LMBRD1: variants seen among roughly 807,000 people sequenced by gnomAD.
LMBRD1 encodes lysosomal cobalamin transport escort protein LMBD1.
In LMBRD1, 64 loss-of-function variants were observed where a neutral mutation model predicts 74.8. The ratio of observed to expected loss-of-function variants is 0.86; its 90% CI spans 0.70 to 1.05. The LOEUF is 1.05. Among genes scored for constraint, LMBRD1 ranks in the 50% least tolerant of loss-of-function variants. The pLI, the probability that LMBRD1 is intolerant of heterozygous loss-of-function variation, is 0.00. For synonymous variants in LMBRD1, 204 were observed against 216.3 expected, an observed-to-expected ratio of 0.94 and a Z score of 0.50; for missense variants, 652 against 645.9, an observed-to-expected ratio of 1.01 and a Z score of -0.10.
chr6:69,776,173 G>A (rs1013238555), intron 3 of LMBRD1, among the ~76,000 whole-genome samples: 14 of 152,116 alleles, frequency 9.2e-5, no homozygotes, highest in African/African-American at 3.4e-4. Context: ...TTTGGCATTT[G>A]ACAAATGGAC....
intron 8 of LMBRD1, among the ~76,000 whole-genome samples, chr6:69,717,710 T>G (rs1390986009): frequency 6.6e-6 from 1 of 152,192 alleles, no homozygotes; most frequent in African/African-American, 2.4e-5. Flanking sequence ...TTTGTTTGTT[T>G]TTAAACAGGG....
intron 4 of LMBRD1, among the ~76,000 whole-genome samples, chr6:69,751,648 C>G (rs112605801): frequency 6.6e-6 from 1 of 152,172 alleles, no homozygotes; most frequent in African/African-American, 2.4e-5. Context: ...TCAGCCTTAT[C>G]CTGGATTAGT....
intron 3 of LMBRD1, among the ~76,000 whole-genome samples, chr6:69,768,421 C>A (rs1023109617): frequency 9.2e-5 from 14 of 151,520 alleles, no homozygotes; most frequent in African/African-American, 2.9e-4. Context: ...CACAATTTAC[C>A]TTCAATTAAT....
At chr6:69,753,732 A>C (rs925691920) in intron 3 of LMBRD1, among the ~76,000 whole-genome samples, 2 of 152,256 alleles carry the variant, frequency 1.3e-5, no homozygotes, top group East Asian at 1.9e-4. Flanking sequence ...GGTATACAGG[A>C]GATCGAGACC....
At chr6:69,745,596 A>G (rs137951060) in intron 5 of LMBRD1, among the ~76,000 whole-genome samples, 72 of 152,286 alleles carry the variant, frequency 4.7e-4, no homozygotes, top group African/African-American at 1.6e-3. Context: ...CCCAGAGTCT[A>G]CTTACCTGGC....
intron 3 of LMBRD1, among the ~76,000 whole-genome samples, chr6:69,765,694 G>C (rs968920330): frequency 1.3e-5 from 2 of 152,024 alleles, no homozygotes; most frequent in East Asian, 3.9e-4. Context: ...TCAACTTATA[G>C]GTCAGTTTGA....
chr6:69,717,030 C>G (rs750969835), intron 8 of LMBRD1, among the ~76,000 whole-genome samples: 1 of 151,754 alleles, frequency 6.6e-6, no homozygotes, highest in South Asian at 2.1e-4. Context: ...AAATTTGACA[C>G]AGATGAAAAT....
chr6:69,774,436 C>T (rs1475272058), intron 3 of LMBRD1, among the ~76,000 whole-genome samples: 6 of 152,114 alleles, frequency 3.9e-5, no homozygotes, highest in Non-Finnish European at 1.5e-5. Context: ...ACAAAAATAG[C>T]CTCAAATAAT....
chr6:69,769,904 C>T (rs562108702), intron 3 of LMBRD1, among the ~76,000 whole-genome samples: 8 of 152,230 alleles, frequency 5.3e-5, no homozygotes, highest in Admixed American at 2.0e-4. Flanking sequence ...GCCAATAAGA[C>T]TTCCAGCCCT....
chr6:69,740,101 G>A (rs546671549), intron 6 of LMBRD1, among the ~76,000 whole-genome samples: 26 of 146,650 alleles, frequency 1.8e-4, no homozygotes, highest in East Asian at 5.8e-4. Context: ...GCAAGACTCC[G>A]TCTCAATCAA....
intron 7 of LMBRD1, among the ~76,000 whole-genome samples, chr6:69,736,434 G>A (rs927852325): frequency 1.3e-5 from 2 of 152,016 alleles, no homozygotes; most frequent in South Asian, 2.1e-4. Flanking sequence ...TGGGACTCCG[G>A]GAACCAACAC....
chr6:69,709,314 G>A (rs1313496926), intron 9 of LMBRD1, among the ~76,000 whole-genome samples: 1 of 151,598 alleles, frequency 6.6e-6, no homozygotes, highest in African/African-American at 2.4e-5. Flanking sequence ...GACAAACACA[G>A]AGATAAATGA....
chr6:69,784,573 G>A (rs1457384316), intron 2 of LMBRD1, among the ~76,000 whole-genome samples: 1 of 152,152 alleles, frequency 6.6e-6, no homozygotes, highest in African/African-American at 2.4e-5. Context: ...ACAATTCACA[G>A]GGCAGGCCCC....
intron 4 of LMBRD1, among the ~76,000 whole-genome samples, chr6:69,751,481 C>G (rs1052912851): frequency 6.6e-6 from 1 of 152,216 alleles, no homozygotes. Context: ...CCCTTGCCGC[C>G]ATGCCCAGCT....
chr6:69,792,425 C>T (rs1017342183), intron 1 of LMBRD1, among the ~76,000 whole-genome samples: 3 of 152,164 alleles, frequency 2.0e-5, no homozygotes, highest in African/African-American at 7.2e-5. Flanking sequence ...GTTGTCTTTT[C>T]AGTCTGGCTA....
At chr6:69,745,584 G>A (rs1042774142) in intron 5 of LMBRD1, among the ~76,000 whole-genome samples, 1 of 152,136 alleles carries the variant, frequency 6.6e-6, no homozygotes, top group Non-Finnish European at 1.5e-5. Flanking sequence ...TGGCATGTAA[G>A]ACCCAGAGTC....
intron 3 of LMBRD1, among the ~76,000 whole-genome samples, chr6:69,774,967 AAGGAAGGAAGG>A (rs1562121629): frequency 2.1e-4 from 8 of 39,012 alleles, no homozygotes; most frequent in African/African-American, 6.6e-4. Flanking sequence ...GGAAGGAAGG[AAGGAAGGAAGG>A]AAGGAAGGAA....
chr6:69,704,667 TCTG>T (rs1766210109), intron 9 of LMBRD1, among the ~76,000 whole-genome samples: 1 of 45,182 alleles, frequency 2.2e-5, no homozygotes, highest in Non-Finnish European at 4.4e-5. Context: ...TAGGTAGTGG[TCTG>T]TCTATTAATT....
chr6:69,761,508 A>G (rs1765372013), intron 3 of LMBRD1, among the ~76,000 whole-genome samples: 1 of 152,174 alleles, frequency 6.6e-6, no homozygotes, highest in Admixed American at 6.5e-5. Context: ...TCAAATAATA[A>G]AAGTGCAAAT....
Sources: allele counts gnomAD v4.1 joint callset (sites outside exome capture counted in the v4.1 genomes callset), GRCh38; gene constraint gnomAD v4.1.1; transcripts MANE v1.5; gene names NCBI Gene and HGNC (gene_info 2026-07-23, HGNC 2026-07-21).